Variants in RASAL2 observed in about 807,000 individuals in gnomAD.
RASAL2 encodes the protein ras GTPase-activating protein nGAP.
RASAL2 carries 58 observed loss-of-function variants against 128.9 expected under a neutral mutation model. The ratio of observed to expected loss-of-function variants is 0.45; its 90% CI spans 0.36 to 0.56. RASAL2 has a LOEUF of 0.56. RASAL2 is among the 20% of genes least tolerant of loss of function. The pLI is 0.00. For missense variants in RASAL2, 1,360 were observed against 1,601.6 expected (o/e 0.85, Z 2.57); for synonymous variants, 561 against 580.8 (o/e 0.97, Z 0.49).
chr1:178,311,205 C>G (rs1206639905), intron 3 of RASAL2, among the ~76,000 whole-genome samples: 1 of 148,882 alleles, frequency 6.7e-6, no homozygotes, highest in African/African-American at 2.5e-5. Flanking sequence ...CATGATCCAT[C>G]AAGGATATGG....
At chr1:178,146,623 CA>C (rs1320068694) in intron 1 of RASAL2, among the ~76,000 whole-genome samples, 2 of 152,142 alleles carry the variant, frequency 1.3e-5, no homozygotes, top group East Asian at 3.8e-4. Flanking sequence ...AATGTTTATG[CA>C]GCTTTTATAA....
intron 4 of RASAL2, among the ~76,000 whole-genome samples, chr1:178,394,311 T>C (rs1457000444): frequency 6.6e-6 from 1 of 152,214 alleles, no homozygotes; most frequent in East Asian, 1.9e-4. Flanking sequence ...TAGACTTTCA[T>C]TTAAATGAAA....
chr1:178,323,656 T>G (rs1296293002), intron 3 of RASAL2, among the ~76,000 whole-genome samples: 1 of 152,140 alleles, frequency 6.6e-6, no homozygotes, highest in Non-Finnish European at 1.5e-5. Flanking sequence ...ACCATAGTTG[T>G]GTTAGTGAGC....
intron 1 of RASAL2, among the ~76,000 whole-genome samples, chr1:178,263,799 C>G (rs537846550): frequency 6.6e-6 from 1 of 152,302 alleles, no homozygotes; most frequent in South Asian, 2.1e-4. Context: ...AAGCGATCCT[C>G]CCCCATCAGC....
In RASAL2 at chr1:178,281,846, G is replaced by A. The variant is rs1571772109; in HGVS notation, c.203-1718G>A. ...CATATTTTTGTCCAAATCATGTGAA[G>A]AAAATTGGTTTTGACATGGCTTTTA... On this transcript the variant is annotated intron_variant, in intron 1 of 17. Transcript: ENST00000367649. Among the ~76,000 whole-genome samples the A allele has an allele frequency of 2.0e-5, 3 of 152,222 alleles. No individual in the cohort carries two copies. In the East Asian group the frequency reaches 5.8e-4, roughly 29 times the overall value.
rs1471782592 is a variant in RASAL2 at position 178,470,784 on chromosome 1, G to T, written c.3679-2291G>T. 7.0e-6 allele frequency: 9 copies of T among 1,284,862 alleles called. No individual in the cohort carries two copies. In the Admixed American group the frequency reaches 8.0e-5, roughly 11 times the overall value. 79.6% of individuals were successfully genotyped at this position (1,284,862 alleles called of 1,614,324 possible). ...GTTCCCAGCCCTGGCCCAGTGCACT[G>T]GCCTCCTACACATTCCAGCTCCTGC... On this transcript the variant is annotated intron_variant, in intron 17 of 17. Transcript: ENST00000367649.
rs530961802 is a variant in RASAL2, at chr1:178,261,017, T to G, written c.203-22547T>G. 3.9e-5 allele frequency among the ~76,000 whole-genome samples: 6 copies of G among 152,318 alleles called. No homozygotes were observed. In the East Asian group the frequency reaches 1.2e-3, roughly 29 times the overall value. ...AGAACAGTCTGAATGTGAGATGCAG[T>G]AAGGAGAAGAGCCAGAAGGTGTGGA... On this transcript the variant is annotated intron_variant, in intron 1 of 17. Coordinates refer to ENST00000367649, the MANE Select transcript of RASAL2 (RefSeq NM_170692.4).
intron 1 of RASAL2, among the ~76,000 whole-genome samples, chr1:178,230,352 C>CT (rs1291773795): frequency 2.0e-5 from 3 of 152,152 alleles, no homozygotes; most frequent in Non-Finnish European, 2.9e-5. Flanking sequence ...GTATGCTTAA[C>CT]TTTTTTTAAA....
intron 3 of RASAL2, among the ~76,000 whole-genome samples, chr1:178,340,723 G>A (rs191470079): frequency 1.8e-4 from 27 of 152,200 alleles, no homozygotes; most frequent in Non-Finnish European, 3.4e-4. Flanking sequence ...TCAGCTTCCA[G>A]GGGTCTAATA....
At chr1:178,287,727 G>T (rs146760933) in intron 2 of RASAL2, among the ~76,000 whole-genome samples, 1 of 152,288 alleles carries the variant, frequency 6.6e-6, no homozygotes, top group African/African-American at 2.4e-5. Context: ...ATTATTCTAT[G>T]AAGTAACTCA....
chr1:178,106,550 T>C (rs1012695325), intron 1 of RASAL2, among the ~76,000 whole-genome samples: 2 of 152,248 alleles, frequency 1.3e-5, no homozygotes, highest in African/African-American at 4.8e-5. Context: ...ACGAAAGATA[T>C]GTTGTAATGT....
At chr1:178,355,310 T>C (rs150780109) in intron 3 of RASAL2, among the ~76,000 whole-genome samples, 31 of 151,988 alleles carry the variant, frequency 2.0e-4, no homozygotes, top group African/African-American at 7.0e-4. Flanking sequence ...GAATAAAGAG[T>C]CCAAAAACAG....
chr1:178,227,919 A>G (rs952212107), intron 1 of RASAL2, among the ~76,000 whole-genome samples: 2 of 152,198 alleles, frequency 1.3e-5, no homozygotes, highest in Admixed American at 1.3e-4. Flanking sequence ...TTTCTAAGAG[A>G]TTATACATCC....
At chr1:178,411,855 C>T (rs914666135) in intron 4 of RASAL2, 1 of 745,296 alleles carries the variant, frequency 1.3e-6, no homozygotes, top group Admixed American at 1.8e-5. Flanking sequence ...AACTCTGGGC[C>T]ACAGGAGGAA....
intron 1 of RASAL2, among the ~76,000 whole-genome samples, chr1:178,255,838 G>A (rs963769438): frequency 6.6e-6 from 1 of 152,136 alleles, no homozygotes; most frequent in Non-Finnish European, 1.5e-5. Context: ...TATAAATTCA[G>A]TTATGTCAAT....
intron 1 of RASAL2, among the ~76,000 whole-genome samples, chr1:178,280,095 A>G (rs1208854249): frequency 1.3e-5 from 2 of 152,190 alleles, no homozygotes; most frequent in African/African-American, 4.8e-5. Flanking sequence ...TACACATTGT[A>G]TACTAACTTT....
intron 1 of RASAL2, among the ~76,000 whole-genome samples, chr1:178,267,367 T>G (rs918625667): frequency 1.3e-5 from 2 of 152,118 alleles, no homozygotes; most frequent in Admixed American, 1.3e-4. Flanking sequence ...CCATTCCAAC[T>G]TCCTCACTAT....
Position 178,457,844 on chromosome 1 carries a change from T to C in RASAL2, c.2552T>C (p.Met851Thr). ...CCTAATGGTCGGAGCGTCTCCCTCA[T>C]GGACCTCCAGGACACTCATGCTGCT... is the stretch of plus-strand genomic sequence containing the variant. ...SLPNGRSVSL[M>T]DLQDTHAAQV... The change falls in exon 14 of 18, where the codon ATG becomes ACG. Residue 851 changes from methionine to threonine, a missense_variant. Transcript: ENST00000367649. The C allele has an allele frequency of 6.2e-7, 1 of 1,614,176 alleles. No homozygotes were observed.
chr1:178,186,238 T>G (rs568365119), intron 1 of RASAL2, among the ~76,000 whole-genome samples: 1 of 152,060 alleles, frequency 6.6e-6, no homozygotes, highest in South Asian at 2.1e-4. Flanking sequence ...TTTTTTTTTC[T>G]TCTGATACTG....
Sources: allele counts gnomAD v4.1 joint callset (sites outside exome capture counted in the v4.1 genomes callset), GRCh38; gene constraint gnomAD v4.1.1; transcripts MANE v1.5; gene names NCBI Gene and HGNC (gene_info 2026-07-23, HGNC 2026-07-21).